DSCAM: variants seen among roughly 807,000 people sequenced by gnomAD.
DSCAM encodes cell adhesion molecule DSCAM.
Under a neutral mutation model 217.7 loss-of-function variants are expected in DSCAM, and 47 were observed. The observed-to-expected ratio is 0.22, with a 90% CI of 0.17 to 0.28. The LOEUF (loss-of-function observed/expected upper bound fraction) is 0.28, where lower values mean the gene tolerates loss of function less well. DSCAM is among the 10% of genes least tolerant of loss of function. The pLI is 1.00. For synonymous variants in DSCAM, 1,056 were observed against 1,015.3 expected (o/e 1.04, Z -0.76); for missense variants, 2,080 against 2,618.3 (o/e 0.79, Z 4.49).
At chr21:40,240,618 C>T (rs1002741522) in intron 11 of DSCAM, among the ~76,000 whole-genome samples, 1 of 152,058 alleles carries the variant, frequency 6.6e-6, no homozygotes, top group Non-Finnish European at 1.5e-5. Context: ...TCCCCATTCC[C>T]GTCCTTTCCT....
chr21:40,473,995 T>C (rs899020926), intron 3 of DSCAM, among the ~76,000 whole-genome samples: 2 of 152,150 alleles, frequency 1.3e-5, no homozygotes, highest in Non-Finnish European at 2.9e-5. Flanking sequence ...CAGACGATCA[T>C]CAAAACAAAG....
At chr21:40,539,669 T>C (rs2076528484) in intron 3 of DSCAM, among the ~76,000 whole-genome samples, 2 of 152,202 alleles carry the variant, frequency 1.3e-5, no homozygotes, top group African/African-American at 4.8e-5. Flanking sequence ...AGCAAGGATG[T>C]TTTTTGTTGT....
At chr21:40,093,683 T>C in intron 21 of DSCAM, 38 bp downstream of exon 21, 1 of 1,611,724 alleles carries the variant, frequency 6.2e-7, no homozygotes, top group Non-Finnish European at 8.5e-7. Context: ...AACAGTCAAG[T>C]TACAACAGGA....
At chr21:40,255,249 C>T (rs566965885) in intron 11 of DSCAM, among the ~76,000 whole-genome samples, 52 of 152,184 alleles carry the variant, frequency 3.4e-4, no homozygotes, top group African/African-American at 1.1e-3. Context: ...AGACAGCTCC[C>T]GCTCCGTTTT....
intron 1 of DSCAM, among the ~76,000 whole-genome samples, chr21:40,795,324 G>T (rs1175412175): frequency 6.6e-6 from 1 of 151,588 alleles, no homozygotes; most frequent in Non-Finnish European, 1.5e-5. Context: ...CAATGGCAGA[G>T]GCTCCAACAA....
At chr21:40,270,826 C>T (rs887477005) in intron 11 of DSCAM, among the ~76,000 whole-genome samples, 5 of 152,104 alleles carry the variant, frequency 3.3e-5, no homozygotes, top group South Asian at 2.1e-4. Flanking sequence ...GCAATGCTAC[C>T]GGGACTGGAG....
At chr21:40,169,183 C>T (rs973372127) in intron 15 of DSCAM, among the ~76,000 whole-genome samples, 5 of 152,114 alleles carry the variant, frequency 3.3e-5, no homozygotes, top group Non-Finnish European at 2.9e-5. Flanking sequence ...GGCAGAGCGA[C>T]GGGAGGCCTT....
At chr21:40,159,238 G>A (rs993373269) in intron 16 of DSCAM, among the ~76,000 whole-genome samples, 9 of 152,228 alleles carry the variant, frequency 5.9e-5, no homozygotes, top group African/African-American at 2.2e-4. Context: ...TTCTTGATTG[G>A]ATATATGTTT....
At chr21:40,508,988 A>C (rs1452651622) in intron 3 of DSCAM, among the ~76,000 whole-genome samples, 1 of 151,512 alleles carries the variant, frequency 6.6e-6, no homozygotes. Flanking sequence ...TACATTTCTA[A>C]GGTAAAATTT....
At chr21:40,080,585 T>C (rs561091405) in intron 24 of DSCAM, among the ~76,000 whole-genome samples, 1 of 152,342 alleles carries the variant, frequency 6.6e-6, no homozygotes, top group Non-Finnish European at 1.5e-5. Flanking sequence ...ATTGCTGTTT[T>C]CTGCTCATTC....
At chr21:40,706,610 A>T (rs2090720321) in intron 2 of DSCAM, among the ~76,000 whole-genome samples, 1 of 152,306 alleles carries the variant, frequency 6.6e-6, no homozygotes, top group East Asian at 1.9e-4. Flanking sequence ...ACAGAAGAGG[A>T]TACCCCGTGA....
At chr21:40,691,067 T>C (rs923904258) in intron 3 of DSCAM, among the ~76,000 whole-genome samples, 1 of 152,162 alleles carries the variant, frequency 6.6e-6, no homozygotes, top group African/African-American at 2.4e-5. Context: ...CCTGCACATG[T>C]ACCCCTGAAC....
intron 1 of DSCAM, among the ~76,000 whole-genome samples, chr21:40,746,108 T>C (rs1450518441): frequency 6.6e-6 from 1 of 151,136 alleles, no homozygotes; most frequent in Non-Finnish European, 1.5e-5. Flanking sequence ...AAAAAAAATC[T>C]CTCAAGGAAA....
intron 11 of DSCAM, among the ~76,000 whole-genome samples, chr21:40,220,426 C>T (rs963566165): frequency 1.3e-5 from 2 of 152,138 alleles, no homozygotes; most frequent in Non-Finnish European, 2.9e-5. Context: ...ATTTTGTCTC[C>T]TCTGAAAACA....
chr21:40,548,089 C>A (rs1436744538), intron 3 of DSCAM, among the ~76,000 whole-genome samples: 1 of 152,218 alleles, frequency 6.6e-6, no homozygotes, highest in African/African-American at 2.4e-5. Context: ...TCCCCATTGC[C>A]TGCACCCTCA....
chr21:40,160,110 A>C (rs935831330), intron 16 of DSCAM, among the ~76,000 whole-genome samples: 2 of 152,168 alleles, frequency 1.3e-5, no homozygotes, highest in Non-Finnish European at 2.9e-5. Context: ...GTTATCCTCT[A>C]TGGCTATCAA....
chr21:40,526,390 C>T (rs932204178), intron 3 of DSCAM, among the ~76,000 whole-genome samples: 1 of 152,206 alleles, frequency 6.6e-6, no homozygotes, highest in African/African-American at 2.4e-5. Flanking sequence ...ATGAAACCCA[C>T]TTTTATTTGG....
intron 3 of DSCAM, among the ~76,000 whole-genome samples, chr21:40,541,773 T>C (rs950706244): frequency 7.9e-5 from 12 of 152,184 alleles, no homozygotes; most frequent in Non-Finnish European, 1.5e-4. Flanking sequence ...TTTCAGTATA[T>C]TGATGTTTAG....
At chr21:40,279,302 A>T (rs2073728785) in intron 10 of DSCAM, among the ~76,000 whole-genome samples, 1 of 152,232 alleles carries the variant, frequency 6.6e-6, no homozygotes, top group Non-Finnish European at 1.5e-5. Flanking sequence ...TACACCAGCA[A>T]CTTGTATAAT....
Sources: allele counts gnomAD v4.1 joint callset (sites outside exome capture counted in the v4.1 genomes callset), GRCh38; gene constraint gnomAD v4.1.1; transcripts MANE v1.5; gene names NCBI Gene and HGNC (gene_info 2026-07-23, HGNC 2026-07-21).